The following ASCC3 variants were observed in gnomAD, a reference collection of about 807,000 sequenced individuals.
ASCC3 encodes the protein ASC-1 complex subunit P200.
ASCC3 carries 158 observed loss-of-function variants against 256.3 expected under a neutral mutation model. The ratio of observed to expected loss-of-function variants is 0.62; its 90% CI spans 0.54 to 0.70. The LOEUF (loss-of-function observed/expected upper bound fraction) is 0.70, where lower values mean the gene tolerates loss of function less well. ASCC3 is among the 30% of genes least tolerant of loss of function. ASCC3 has a pLI of 0.00. For synonymous variants in ASCC3, 948 were observed against 883.4 expected (o/e 1.07, Z -1.30); for missense variants, 2,259 against 2,626.0 (o/e 0.86, Z 3.05).
chr6:100,584,030 G>A (rs889782007), intron 36 of ASCC3, among the ~76,000 whole-genome samples: 7 of 151,996 alleles, frequency 4.6e-5, no homozygotes, highest in African/African-American at 1.5e-4. Flanking sequence ...TTTGGAATAG[G>A]TGTGGTGTGG....
At chr6:100,757,390 C>A (rs1781230762) in intron 10 of ASCC3, among the ~76,000 whole-genome samples, 3 of 151,980 alleles carry the variant, frequency 2.0e-5, no homozygotes, top group Admixed American at 1.3e-4. Flanking sequence ...GACAAAATGG[C>A]TTTCTTTAGG....
intron 14 of ASCC3, among the ~76,000 whole-genome samples, chr6:100,672,549 A>C (rs1776804040): frequency 1.3e-5 from 2 of 152,240 alleles, no homozygotes; most frequent in South Asian, 4.1e-4. Flanking sequence ...AGAAGGGTTG[A>C]AAGTTTTAAC....
chr6:100,620,735 C>G (rs1464075448), intron 30 of ASCC3, among the ~76,000 whole-genome samples: 2 of 152,168 alleles, frequency 1.3e-5, no homozygotes, highest in Non-Finnish European at 2.9e-5. Context: ...TAACCAATTA[C>G]CCATGTCCTG....
intron 5 of ASCC3, among the ~76,000 whole-genome samples, chr6:100,805,007 C>T (rs560669344): frequency 1.5e-3 from 228 of 152,148 alleles, no homozygotes; most frequent in Non-Finnish European, 2.9e-3. Flanking sequence ...AACCTAAGTG[C>T]CCATCAACAG....
At chr6:100,749,248 T>A (rs750150255) in intron 10 of ASCC3, among the ~76,000 whole-genome samples, 4 of 151,688 alleles carry the variant, frequency 2.6e-5, no homozygotes, top group Non-Finnish European at 4.4e-5. Flanking sequence ...TTGGTATATC[T>A]AAGATAGGAA....
rs1407427881 is a variant in ASCC3 at position 100,647,467 on chromosome 6, AG to A, written c.3253-17del. 6.2e-7 allele frequency: 1 copy of A among 1,601,074 alleles called. No individual in the cohort carries two copies. Among genetic ancestry groups the A allele is most frequent in the Non-Finnish European group, 8.6e-7 (1 of 1,168,288 alleles). On this transcript the variant is annotated splice_polypyrimidine_tract_variant and intron_variant, in intron 20 of 41. Coordinates refer to ENST00000369162, the MANE Select transcript of ASCC3 (RefSeq NM_006828.4). Reference sequence around the variant, plus strand: ...TAGCTGCATTCTAAAAAATTATAGGAGGAGATTGGTGGTTATACCCAATGTG... The same window carrying A: ...TAGCTGCATTCTAAAAAATTATAGGAGAGATTGGTGGTTATACCCAATGTG...
intron 36 of ASCC3, among the ~76,000 whole-genome samples, chr6:100,542,643 C>T (rs927472958): frequency 6.6e-6 from 1 of 151,592 alleles, no homozygotes; most frequent in Non-Finnish European, 1.5e-5. Context: ...GATGGCGCCA[C>T]TGCACTTCAG....
chr6:100,653,586 C>T (rs1775775416), intron 17 of ASCC3, among the ~76,000 whole-genome samples: 1 of 150,718 alleles, frequency 6.6e-6, no homozygotes, highest in Admixed American at 6.6e-5. Context: ...TGCAGTGAGC[C>T]AAGATCATGC....
chr6:100,516,312 A>G lies in ASCC3; in HGVS notation c.5943T>C (p.Ile1981=). 6.2e-7 allele frequency: 1 copy of G among 1,613,696 alleles called. No individual in the cohort carries two copies. The highest frequency in any genetic ancestry group is 8.5e-7 in the Non-Finnish European group (1 of 1,179,690). The change falls in exon 39 of 42, where the codon ATT becomes ATC. Residue 1981 remains isoleucine (I), a synonymous_variant. Coordinates refer to ENST00000369162, the MANE Select transcript of ASCC3 (RefSeq NM_006828.4). ...HLHLFKKWKP[I]MKGPHARGRT... is the part of the protein sequence containing the mutation. The stretch of plus-strand genomic sequence containing the variant: ...GACCCCTAGCATGTGGGCCCTTCAT[A>G]ATCGGCTTCCATTTCCTAGGAAATA...
chr6:100,517,959 A>G, intron 38 of ASCC3, 32 bp downstream of exon 38: 1 of 1,608,020 alleles, frequency 6.2e-7, no homozygotes, highest in Non-Finnish European at 8.5e-7. Flanking sequence ...AAATCAAAAC[A>G]AAACAATTAC....
At chr6:100,832,800 T>G (rs1771685733) in intron 4 of ASCC3, among the ~76,000 whole-genome samples, 1 of 152,050 alleles carries the variant, frequency 6.6e-6, no homozygotes, top group Admixed American at 6.5e-5. Context: ...GGAAGAATGA[T>G]AAACCCAAAA....
intron 13 of ASCC3, among the ~76,000 whole-genome samples, chr6:100,700,959 G>A (rs1226135395): frequency 1.3e-5 from 2 of 152,136 alleles, no homozygotes; most frequent in Admixed American, 1.3e-4. Context: ...TGTTGGGAAG[G>A]CATGATTGGT....
At position 100,662,441 on chromosome 6, in the gene ASCC3, A is replaced by C. The variant is rs139321835; in HGVS notation, c.2382T>G (p.Val794=). Residue 794 remains valine, a synonymous_variant, in exon 15 of 42, where the codon GTT becomes GTG. Coordinates refer to ENST00000369162, the MANE Select transcript of ASCC3 (RefSeq NM_006828.4). Reference sequence around the variant, plus strand: ...TATGCCCATTAGAAAACAAGTTTTCAACTAAATTTCTGTCCTGCCGAAGCA... The same window carrying C: ...TATGCCCATTAGAAAACAAGTTTTCCACTAAATTTCTGTCCTGCCGAAGCA... ...AGMLRQDRNL[V]ENLFSNGHIK... is the part of the protein sequence containing the mutation. 3.1e-6 allele frequency: 5 copies of C among 1,613,244 alleles called. No homozygotes were observed. Among genetic ancestry groups the C allele is most frequent in the Non-Finnish European group, 4.2e-6 (5 of 1,179,542 alleles).
chr6:100,611,064 A>G (rs1773369391), intron 30 of ASCC3, among the ~76,000 whole-genome samples: 1 of 152,186 alleles, frequency 6.6e-6, no homozygotes, highest in South Asian at 2.1e-4. Flanking sequence ...TAGGAAAGCT[A>G]AAGAATCCTC....
chr6:100,765,926 T>A lies in ASCC3; in HGVS notation c.1737+639A>T, dbSNP rs112253342. ...TTTCCATTAATATCTGGTCATCCAC[T>A]ATTTTATTTTTTTAAAAACACAATG... On this transcript the variant is annotated intron_variant, in intron 10 of 41. Transcript: ENST00000369162. Among the ~76,000 whole-genome samples, 5 of 152,312 alleles carry A rather than the reference T, an allele frequency of 3.3e-5. 1 individual carries two copies. Among genetic ancestry groups the A allele is most frequent in the African/African-American group, 1.2e-4 (5 of 41,584 alleles).
At chr6:100,775,819 A>G (rs1323084652) in intron 8 of ASCC3, among the ~76,000 whole-genome samples, 1 of 151,694 alleles carries the variant, frequency 6.6e-6, no homozygotes, top group Non-Finnish European at 1.5e-5. Context: ...AATAAAAGGA[A>G]TGTGCTCAGA....
At chr6:100,811,777 G>A (rs1037812446) in intron 4 of ASCC3, among the ~76,000 whole-genome samples, 2 of 152,112 alleles carry the variant, frequency 1.3e-5, no homozygotes, top group Admixed American at 6.6e-5. Context: ...GTCATAGATT[G>A]AAGGACTAGG....
intron 34 of ASCC3, among the ~76,000 whole-genome samples, chr6:100,595,830 C>T (rs1298552257): frequency 6.6e-6 from 1 of 152,124 alleles, no homozygotes; most frequent in East Asian, 1.9e-4. Context: ...AGTAGACACC[C>T]AATAAATATT....
At chr6:100,607,115 T>A (rs1340102605) in intron 30 of ASCC3, 27 bp from the exon 31 acceptor site, 1 of 1,609,754 alleles carries the variant, frequency 6.2e-7, no homozygotes, top group Non-Finnish European at 8.5e-7. Flanking sequence ...AATTACAAGA[T>A]GTAGATGCAT....
Sources: allele counts gnomAD v4.1 joint callset (sites outside exome capture counted in the v4.1 genomes callset), GRCh38; gene constraint gnomAD v4.1.1; transcripts MANE v1.5; gene names NCBI Gene and HGNC (gene_info 2026-07-23, HGNC 2026-07-21).